ZFAT: variants seen among roughly 807,000 people sequenced by gnomAD.
The protein encoded by ZFAT is zinc finger protein ZFAT.
In ZFAT, 64 loss-of-function variants were observed where a neutral mutation model predicts 117.7. The observed-to-expected ratio is 0.54, with a 90% CI of 0.44 to 0.67. The LOEUF (loss-of-function observed/expected upper bound fraction) is 0.67. Among genes scored for constraint, ZFAT ranks in the 30% least tolerant of loss-of-function variants. The pLI is 0.00. For synonymous variants in ZFAT, 679 were observed against 615.0 expected, an observed-to-expected ratio of 1.10 and a Z score of -1.54; for missense variants, 1,433 against 1,584.5, an observed-to-expected ratio of 0.90 and a Z score of 1.62.
At chr8:134,704,752 G>A (rs1834103184) in intron 1 of ZFAT, among the ~76,000 whole-genome samples, 1 of 152,116 alleles carries the variant, frequency 6.6e-6, no homozygotes, top group Non-Finnish European at 1.5e-5. Context: ...AATGGAGGAA[G>A]AAAAGGTTCT....
chr8:134,815,712 T>C, the ZFAT span, among the ~76,000 whole-genome samples: 2 of 152,178 alleles, frequency 1.3e-5, no homozygotes, highest in Non-Finnish European at 2.9e-5. Flanking sequence ...CTCTTCTCTC[T>C]GCCAGGAAAC....
intron 2 of ZFAT, among the ~76,000 whole-genome samples, chr8:134,639,157 G>A (rs1480491781): frequency 6.6e-6 from 1 of 152,220 alleles, no homozygotes. Context: ...GGGCAAAGGG[G>A]AGCAGAGATG....
chr8:134,766,348 T>G, the ZFAT span: 3 of 152,200 alleles, frequency 2.0e-5, no homozygotes, highest in Non-Finnish European at 2.9e-5. Flanking sequence ...AGGCCAACAT[T>G]TTTTTAAAAA....
chr8:134,813,083 A>T, the ZFAT span, among the ~76,000 whole-genome samples: 2 of 152,214 alleles, frequency 1.3e-5, no homozygotes, highest in Non-Finnish European at 2.9e-5. Context: ...ACAGCTGGAG[A>T]TGTTTTCTAC....
rs532366464 is a variant in ZFAT, at chr8:134,550,391, C to T, written c.2976+14942G>A. ...AGGCCTTCATATCATTTACGAAGCA[C>T]AAACCTATCTTGGTTTTAAAATAAG... On this transcript the variant is annotated intron_variant, in intron 11 of 15. Transcript: ENST00000377838. Among the ~76,000 whole-genome samples the T allele has an allele frequency of 2.1e-4, 31 of 144,688 alleles. No homozygotes were observed. The South Asian group carries it at 4.3e-3, about 20-fold the overall frequency. 94.9% of individuals were successfully genotyped at this position (144,688 alleles called of 152,430 possible).
At chr8:134,765,773 T>C in the ZFAT span, 1 of 152,234 alleles carries the variant, frequency 6.6e-6, no homozygotes, top group Non-Finnish European at 1.5e-5. Context: ...AACGGCACAG[T>C]TTTTAGAAAC....
chr8:134,567,426 C>A lies in ZFAT; in HGVS notation c.2888-2005G>T, dbSNP rs144400188. ...ACAGCAAAAGCCCCTAAGCTGGTTT[C>A]CTTGCCTTCATAAAACCCTACCAAC... On this transcript the variant is annotated intron_variant, in intron 10 of 15. Coordinates refer to ENST00000377838, the MANE Select transcript of ZFAT (RefSeq NM_020863.4). Among the ~76,000 whole-genome samples the A allele has an allele frequency of 2.6e-3, 393 of 151,988 alleles. 1 individual carries two copies. Among genetic ancestry groups the A allele is most frequent in the Non-Finnish European group, 3.9e-3 (267 of 67,984 alleles).
chr8:134,536,590 C>T (rs951593120), intron 11 of ZFAT, among the ~76,000 whole-genome samples: 24 of 152,276 alleles, frequency 1.6e-4, no homozygotes, highest in African/African-American at 5.3e-4. Context: ...GCAGGGAATT[C>T]TCCTGGGGCT....
the ZFAT span, among the ~76,000 whole-genome samples, chr8:134,780,818 G>A: frequency 6.6e-6 from 1 of 152,186 alleles, no homozygotes; most frequent in Non-Finnish European, 1.5e-5. Flanking sequence ...AATAAACCTG[G>A]CATGAGCTAC....
intron 5 of ZFAT, 118 bp downstream of exon 5, chr8:134,608,611 T>C: frequency 7.6e-7 from 1 of 1,311,314 alleles, no homozygotes; most frequent in African/African-American, 1.5e-5. Flanking sequence ...TCAGTATCTC[T>C]TATAAACAAG....
At chr8:134,710,501 T>C (rs1489500213) in intron 1 of ZFAT, among the ~76,000 whole-genome samples, 1 of 152,230 alleles carries the variant, frequency 6.6e-6, no homozygotes, top group Non-Finnish European at 1.5e-5. Context: ...GTACCTATGA[T>C]CCAGCATAGC....
rs72719736 is a variant in ZFAT, at chr8:134,546,586, T to G, written c.2977-13614A>C. On this transcript the variant is annotated intron_variant, in intron 11 of 15. Transcript: ENST00000377838. ...TCAGAGCCCGTAAAGGATGAAGTGA[T>G]AGCTTCTTCAGTCTTACCTCTCTTT... Among the ~76,000 whole-genome samples, 371 of 152,296 alleles carry G rather than the reference T, an allele frequency of 2.4e-3. 1 individual carries two copies. Among genetic ancestry groups the G allele is most frequent in the Non-Finnish European group, 4.4e-3 (298 of 68,024 alleles).
intron 15 of ZFAT, among the ~76,000 whole-genome samples, chr8:134,491,331 T>C (rs1818044602): frequency 6.6e-6 from 1 of 152,254 alleles, no homozygotes; most frequent in Non-Finnish European, 1.5e-5. Flanking sequence ...GCTCTTGGCC[T>C]GTGCTTGTGG....
At chr8:134,557,792 A>T (rs979755870) in intron 11 of ZFAT, among the ~76,000 whole-genome samples, 1 of 152,216 alleles carries the variant, frequency 6.6e-6, no homozygotes, top group Non-Finnish European at 1.5e-5. Context: ...TGGACTATGC[A>T]CTCCAATTAA....
Position 134,663,097 on chromosome 8 carries a change from A to G in ZFAT, c.20-5360T>C, listed in dbSNP as rs369364127. On this transcript the variant is annotated intron_variant, in intron 1 of 15. Transcript: ENST00000377838. ...AGACACTCGCTCATAACTTCTGACC[A>G]GTGGTTTTCCTCCTTGAGATCCTGC... Among the ~76,000 whole-genome samples the G allele has an allele frequency of 6.2e-4, 94 of 152,366 alleles. 1 individual carries two copies. Among genetic ancestry groups the G allele is most frequent in the African/African-American group, 2.1e-3 (88 of 41,600 alleles).
chr8:134,635,577 G>A (rs1209546276), intron 3 of ZFAT, among the ~76,000 whole-genome samples: 1 of 152,142 alleles, frequency 6.6e-6, no homozygotes, highest in Non-Finnish European at 1.5e-5. Flanking sequence ...TGCCGGAGCA[G>A]GGGGCATGCA....
At chr8:134,680,724 A>T (rs77295768) in intron 1 of ZFAT, among the ~76,000 whole-genome samples, 1 of 151,946 alleles carries the variant, frequency 6.6e-6, no homozygotes. Flanking sequence ...TGGGATAATA[A>T]AAAAAAAGTT....
At chr8:134,773,450 C>T in the ZFAT span, among the ~76,000 whole-genome samples, 1 of 152,192 alleles carries the variant, frequency 6.6e-6, no homozygotes, top group Non-Finnish European at 1.5e-5. Context: ...TGCTTGCTAA[C>T]ACACATCCAC....
chr8:134,614,571 T>C (rs1828585439), intron 3 of ZFAT, among the ~76,000 whole-genome samples: 1 of 152,206 alleles, frequency 6.6e-6, no homozygotes, highest in South Asian at 2.1e-4. Flanking sequence ...TATTGTGACC[T>C]CTTGGAGGTT....
Sources: gnomAD v4.1 joint callset for allele counts (sites outside exome capture counted in the v4.1 genomes callset) on GRCh38, gnomAD v4.1.1 for gene constraint, MANE v1.5 for transcripts, NCBI Gene and HGNC (gene_info 2026-07-23, HGNC 2026-07-21) for gene names.